The following CIITA variants were observed in gnomAD, a reference collection of about 807,000 sequenced individuals.
CIITA encodes MHC class II transactivator.
A neutral mutation model predicts 115.1 loss-of-function variants in CIITA; 72 were observed. The ratio of observed to expected loss-of-function variants is 0.63; its 90% CI spans 0.52 to 0.76. The LOEUF (loss-of-function observed/expected upper bound fraction) is 0.76. Ranked by LOEUF, CIITA falls within the 30% of genes least tolerant of loss-of-function variation. CIITA has a pLI of 0.00. For synonymous variants in CIITA, 763 were observed against 635.6 expected (o/e 1.20, Z -3.02); for missense variants, 1,617 against 1,463.8 (o/e 1.10, Z -1.71).
upstream of CIITA, chr16:10,877,088 A>G (rs971314014): frequency 8.2e-6 from 5 of 606,800 alleles, no homozygotes; most frequent in Admixed American, 5.6e-5. Context: ...GGGTGTTCAG[A>G]AACAGAAATC....
chr16:10,910,004 G>A (rs1173323161), intron 12 of CIITA, among the ~76,000 whole-genome samples, 184 bp from the exon 13 acceptor site: 1 of 152,088 alleles, frequency 6.6e-6, no homozygotes, highest in African/African-American at 2.4e-5. Context: ...CAAAGTGCTG[G>A]GACTACAGTC....
rs1283041534 is a variant in CIITA, at chr16:10,918,421, C to T, written c.3063-19C>T. On this transcript the variant is annotated intron_variant, in intron 15 of 19. Transcript: ENST00000324288. ...TGCAAGTTTGGTCCTGAGCCCTCCC[C>T]CTCACTGTGTCCCCGCAGTCTGTCC... The T allele has an allele frequency of 6.2e-7, 1 of 1,612,070 alleles. No homozygotes were observed. The highest frequency in any genetic ancestry group is 2.2e-5 in the East Asian group (1 of 44,862).
At position 10,929,533 on chromosome 16, in the gene CIITA, G is replaced by A. The variant is rs2040685452; in HGVS notation, c.*5678G>A. On this transcript the variant is annotated 3_prime_UTR_variant, in exon 20 of 20. Transcript: ENST00000324288. This position sits in a 1 kb window ranked among gnomAD's most constrained non-coding sequence, Gnocchi z 4.3. ...GGGTTCAAACAGGAACCTCTCTGTTGGCACGAAGCTTTTGAGGGGAGCAGG... is the reference window on the plus strand; with the variant it reads ...GGGTTCAAACAGGAACCTCTCTGTTAGCACGAAGCTTTTGAGGGGAGCAGG... 2.0e-6 allele frequency: 2 copies of A among 985,512 alleles called. No homozygotes were observed. Among genetic ancestry groups the A allele is most frequent in the Non-Finnish European group, 2.4e-6 (2 of 829,960 alleles). 61.0% of individuals were successfully genotyped at this position (985,512 alleles called of 1,614,324 possible). A position where few individuals can be genotyped will look rare whatever the true frequency, so the allele number is the denominator to read the frequency against.
At chr16:10,878,958 C>G (rs1432172569) in intron 1 of CIITA, 1 of 224,376 alleles carries the variant, frequency 4.5e-6, no homozygotes. Flanking sequence ...GACCAGCGGA[C>G]GAGCTGCCAC....
Position 10,909,200 on chromosome 16 carries a change from G to A in CIITA, c.2816+13G>A, listed in dbSNP as rs2039386977. The stretch of plus-strand genomic sequence containing the variant: ...TGCAGACTCAGAGGTGAGAGGAGAG[G>A]CGGATGGGAGGTGGTTCACGCCATG... On this transcript the variant is annotated intron_variant, in intron 12 of 19. Coordinates refer to ENST00000324288, the MANE Select transcript of CIITA (RefSeq NM_000246.4). 6.2e-7 allele frequency: 1 copy of A among 1,613,796 alleles called. No individual in the cohort carries two copies. Among genetic ancestry groups the A allele is most frequent in the Non-Finnish European group, 8.5e-7 (1 of 1,179,892 alleles).
At chr16:10,896,970 G>A (rs931911978) in intron 3 of CIITA, among the ~76,000 whole-genome samples, 4 of 152,176 alleles carry the variant, frequency 2.6e-5, no homozygotes, top group Admixed American at 1.3e-4. Flanking sequence ...TTGGGGCTGA[G>A]GACATTCACA....
intron 17 of CIITA, 38 bp downstream of exon 17, chr16:10,922,288 G>A (rs745581246): frequency 1.2e-5 from 20 of 1,606,244 alleles, no homozygotes; most frequent in East Asian, 1.1e-4. Context: ...GGCTCAGCCC[G>A]GGGTGGGAGA....
rs111882238 is a variant in CIITA, at chr16:10,933,207, G to C, written c.*9352G>C. 472 of 152,310 alleles carry C rather than the reference G, an allele frequency of 3.1e-3. 7 individuals are homozygous for C. The highest frequency in any genetic ancestry group is 0.011 in the African/African-American group (452 of 41,528). 9.4% of individuals were successfully genotyped at this position (152,310 alleles called of 1,614,324 possible). ...TCCCCAGAGCTGGACAGAGGACGTGGCTGGCTGGCTGGTTTCTGTAGTCAG... is the reference window on the plus strand; with the variant it reads ...TCCCCAGAGCTGGACAGAGGACGTGCCTGGCTGGCTGGTTTCTGTAGTCAG... On this transcript the variant is annotated 3_prime_UTR_variant, in exon 20 of 20. Coordinates refer to ENST00000324288, the MANE Select transcript of CIITA (RefSeq NM_000246.4).
At chr16:10,908,673 A>G (rs2039345033) in intron 11 of CIITA, 2 of 504,550 alleles carry the variant, frequency 4.0e-6, no homozygotes, top group Non-Finnish European at 7.2e-6. Flanking sequence ...ATTTGGTTTC[A>G]TTAAGTCGGT....
rs761978819 is a variant in CIITA at position 10,906,668 on chromosome 16, G to A, written c.1176G>A (p.Leu392=). Residue 392 remains leucine (L), a synonymous_variant, in exon 11 of 20, where the codon CTG becomes CTA. Coordinates refer to ENST00000324288, the MANE Select transcript of CIITA (RefSeq NM_000246.4). ...LATPDWAERQ[L]AQGGLAEVLL... is the part of the protein sequence containing the mutation. ...CCCCGGACTGGGCAGAACGGCAGCT[G>A]GCCCAAGGAGGCCTGGCTGAGGTGC... 6.2e-7 allele frequency: 1 copy of A among 1,613,212 alleles called. No homozygotes were observed. Among genetic ancestry groups the A allele is most frequent in the African/African-American group, 1.3e-5 (1 of 74,944 alleles).
chr16:10,901,931 A>T lies in CIITA; in HGVS notation c.482-107A>T. 6.8e-7 allele frequency: 1 copy of T among 1,469,338 alleles called. No homozygotes were observed. The highest frequency in any genetic ancestry group is 9.4e-7 in the Non-Finnish European group (1 of 1,060,150). 91.0% of individuals were successfully genotyped at this position (1,469,338 alleles called of 1,614,324 possible). ...CTGCAGCCAGGGCTGAGAAGATGAC[A>T]AGCATTTCCTCTGTCAGGAGAGACA... On this transcript the variant is annotated intron_variant, in intron 6 of 19. Coordinates refer to ENST00000324288, the MANE Select transcript of CIITA (RefSeq NM_000246.4). The surrounding 1 kb of genome is among the most constrained non-coding windows in gnomAD (Gnocchi z 6.8).
At position 10,871,781 on chromosome 16, in the gene CIITA, G is replaced by A. The variant is rs138627332; in HGVS notation, c.-21+5462G>A. Among the ~76,000 whole-genome samples, 196 of 152,292 alleles carry A rather than the reference G, an allele frequency of 1.3e-3. 1 individual carries two copies. The highest frequency in any genetic ancestry group is 1.5e-3 in the East Asian group (8 of 5,170). On this transcript the variant is annotated intron_variant, in intron 1 of 5. Coordinates refer to the CIITA transcript ENST00000636238. ...GCCTCAGGGAGGGGGATGTGTTGGC[G>A]AGGAAGACTCGTGCCTTTCATCTTG...
chr16:10,906,961 G>C lies in CIITA; in HGVS notation c.1469G>C (p.Arg490Thr), dbSNP rs1288316603. Residue 490 changes from arginine (R) to threonine (T), a missense_variant, in exon 11 of 20, where the codon AGA (arginine) becomes ACA (threonine). Physicochemically the swap from Arg to Thr is moderately conservative, Grantham distance 71. Coordinates refer to ENST00000324288, the MANE Select transcript of CIITA (RefSeq NM_000246.4). The part of the protein sequence containing the change: ...ADEVFSHILK[R>T]PDRVLLILDG... ...GAGGTTTTCAGCCACATCTTGAAGA[G>C]ACCTGACCGCGTTCTGCTCATCCTA... 6.2e-7 allele frequency: 1 copy of C among 1,612,754 alleles called. No homozygotes were observed. The highest frequency in any genetic ancestry group is 1.1e-5 in the South Asian group (1 of 91,086).
At position 10,941,856 on chromosome 16, in the gene CIITA, G is replaced by C. The variant is rs778893300; in HGVS notation, n.982G>C. ...GGAAGACGAGGCCCACGTTGAGGAC[G>C]ATGTACTCCATGAGGAAGGCGTAGT... On this transcript the variant is annotated non_coding_transcript_exon_variant, in exon 2 of 2. Transcript: ENST00000573379. This position sits in a 1 kb window ranked among gnomAD's most constrained non-coding sequence, Gnocchi z 6.4. The C allele has an allele frequency of 6.2e-7, 1 of 1,612,822 alleles. No homozygotes were observed. The highest frequency in any genetic ancestry group is 8.5e-7 in the Non-Finnish European group (1 of 1,179,818).
At chr16:10,874,172 C>G (rs1217766314), upstream of CIITA, among the ~76,000 whole-genome samples, 1 of 151,990 alleles carries the variant, frequency 6.6e-6, no homozygotes, top group Non-Finnish European at 1.5e-5. Context: ...TTAGTAGAGA[C>G]AGGGTTTCAC....
chr16:10,942,865 C>G lies in CIITA; in HGVS notation n.1991C>G, dbSNP rs971138646. On this transcript the variant is annotated non_coding_transcript_exon_variant, in exon 2 of 2. Transcript: ENST00000573379. This position sits in a 1 kb window ranked among gnomAD's most constrained non-coding sequence, Gnocchi z 5.0. ...GTTGCCCTGGAAATTTTGGACATTCCCAAAGCGCCAATTTTCATGGTGGAG... is the reference window on the plus strand; with the variant it reads ...GTTGCCCTGGAAATTTTGGACATTCGCAAAGCGCCAATTTTCATGGTGGAG... 1 of 152,190 alleles carries G rather than the reference C, an allele frequency of 6.6e-6. No homozygotes were observed. The highest frequency in any genetic ancestry group is 1.5e-5 in the Non-Finnish European group (1 of 68,024). 9.4% of individuals were successfully genotyped at this position (152,190 alleles called of 1,614,324 possible). A position where few individuals can be genotyped will look rare whatever the true frequency, so the allele number is the denominator to read the frequency against.
At chr16:10,910,010 C>G (rs1425643245) in intron 12 of CIITA, among the ~76,000 whole-genome samples, 178 bp from the exon 13 acceptor site, 1 of 152,112 alleles carries the variant, frequency 6.6e-6, no homozygotes, top group African/African-American at 2.4e-5. Flanking sequence ...GCTGGGACTA[C>G]AGTCACGAGG....
Position 10,877,285 on chromosome 16 carries a change from G to A in CIITA, c.-46G>A, listed in dbSNP as rs115659359. ...TGGGGAAGCTGAGGGCACGAGGAGG[G>A]GCTGCCAGACTCCGGGAGCTGCTGC... is the stretch of plus-strand genomic sequence containing the variant. On this transcript the variant is annotated 5_prime_UTR_variant, in exon 1 of 20. Transcript: ENST00000324288. 2,867 of 1,594,262 alleles carry A rather than the reference G, an allele frequency of 1.8e-3. 60 individuals are homozygous for A. In the African/African-American group the frequency reaches 0.031, roughly 17 times the overall value.
At chr16:10,922,954 A>G in intron 18 of CIITA, 1 of 550,152 alleles carries the variant, frequency 1.8e-6, no homozygotes, top group South Asian at 2.1e-5. Context: ...TGGGTCTTAC[A>G]AGACCCATTT....
Sources: gnomAD v4.1 joint callset for allele counts (sites outside exome capture counted in the v4.1 genomes callset) on GRCh38, gnomAD v4.1.1 for gene constraint, Gnocchi (gnomAD v3.1) non-coding constraint, MANE v1.5 for transcripts, NCBI Gene and HGNC (gene_info 2026-07-23, HGNC 2026-07-21) for gene names.